PROS1: variants seen among roughly 807,000 people sequenced by gnomAD.
PROS1 encodes the protein vitamin K-dependent protein S.
PROS1 carries 29 observed loss-of-function variants against 75.9 expected under a neutral mutation model. The ratio of observed to expected loss-of-function variants is 0.38; its 90% CI spans 0.28 to 0.52. The LOEUF is 0.52. Among genes scored for constraint, PROS1 ranks in the 20% least tolerant of loss-of-function variants. PROS1 has a pLI of 0.83. For missense variants in PROS1, 680 were observed against 810.3 expected (o/e 0.84, Z 1.95); for synonymous variants, 245 against 280.6 (o/e 0.87, Z 1.27).
intron 6 of PROS1, among the ~76,000 whole-genome samples, chr3:93,902,842 T>C (rs538852624): frequency 6.6e-6 from 1 of 152,294 alleles, no homozygotes; most frequent in African/African-American, 2.4e-5. Context: ...CAACCATTTC[T>C]ACATCTTGGC....
chr3:93,882,754 C>T (rs1326491300), intron 12 of PROS1, among the ~76,000 whole-genome samples: 5 of 152,082 alleles, frequency 3.3e-5, no homozygotes. Context: ...ACCATGCACT[C>T]AAGAGAAAAC....
intron 1 of PROS1, among the ~76,000 whole-genome samples, chr3:93,970,739 G>A (rs909518405): frequency 2.0e-5 from 3 of 151,954 alleles, no homozygotes; most frequent in African/African-American, 7.3e-5. Context: ...TAATATCTCT[G>A]AACAATTTCT....
intron 1 of PROS1, among the ~76,000 whole-genome samples, chr3:93,945,593 TCAGCAAAATTCAA>T (rs1205810428): frequency 6.6e-6 from 1 of 152,178 alleles, no homozygotes; most frequent in Non-Finnish European, 1.5e-5. Flanking sequence ...GAAAAGGCCT[TCAGCAAAATTCAA>T]CAGCTCTTCA....
At chr3:93,879,421 T>C in intron 12 of PROS1, 107 bp from the exon 13 acceptor site, 1 of 1,412,006 alleles carries the variant, frequency 7.1e-7, no homozygotes, top group Non-Finnish European at 1.0e-6. Context: ...TCTTGTGTAA[T>C]ACTATTTCCA....
chr3:93,886,867 T>C (rs1458482689), intron 10 of PROS1, among the ~76,000 whole-genome samples: 2 of 152,122 alleles, frequency 1.3e-5, no homozygotes, highest in African/African-American at 2.4e-5. Context: ...TATTTTGCAA[T>C]TGTCTGATAA....
At chr3:93,900,639 C>T (rs1708578916) in intron 7 of PROS1, among the ~76,000 whole-genome samples, 165 bp downstream of exon 7, 1 of 152,198 alleles carries the variant, frequency 6.6e-6, no homozygotes, top group East Asian at 1.9e-4. Context: ...CTTACATACT[C>T]TTGCTCTGGA....
chr3:93,886,205 T>A (rs1453447448), intron 11 of PROS1, 131 bp downstream of exon 11: 1 of 739,876 alleles, frequency 1.4e-6, no homozygotes, highest in Non-Finnish European at 2.3e-6. Flanking sequence ...TTTTCCATGA[T>A]CATTTCAAGT....
chr3:93,965,251 C>T (rs1383157383), intron 1 of PROS1, among the ~76,000 whole-genome samples: 1 of 152,182 alleles, frequency 6.6e-6, no homozygotes, highest in Non-Finnish European at 1.5e-5. Flanking sequence ...TGTTACGGCT[C>T]AAGCTGAGCT....
At chr3:93,909,545 T>A (rs559450505) in intron 4 of PROS1, among the ~76,000 whole-genome samples, 2 of 152,298 alleles carry the variant, frequency 1.3e-5, no homozygotes, top group South Asian at 4.1e-4. Context: ...ACATGCCATT[T>A]GTTTTTTATT....
At chr3:93,910,147 A>G (rs1708738455) in intron 4 of PROS1, among the ~76,000 whole-genome samples, 1 of 152,232 alleles carries the variant, frequency 6.6e-6, no homozygotes, top group Admixed American at 6.5e-5. Context: ...AGAGTCAAAA[A>G]TAATGTACCA....
chr3:93,934,480 CT>C (rs1709153178), intron 1 of PROS1, among the ~76,000 whole-genome samples: 1 of 152,272 alleles, frequency 6.6e-6, no homozygotes, highest in Admixed American at 6.5e-5. Context: ...GATTATGCTG[CT>C]ATGCAACGAT....
At chr3:93,957,127 A>G (rs1350275072) in intron 1 of PROS1, among the ~76,000 whole-genome samples, 1 of 151,978 alleles carries the variant, frequency 6.6e-6, no homozygotes, top group Non-Finnish European at 1.5e-5. Flanking sequence ...ATATATTATA[A>G]TAAGCACATA....
intron 1 of PROS1, among the ~76,000 whole-genome samples, chr3:93,944,834 C>T (rs1445830948): frequency 6.6e-6 from 1 of 151,600 alleles, no homozygotes. Context: ...GATAGAGACA[C>T]AAAAAACCCT....
Position 93,969,377 on chromosome 3 carries a change from T to C in PROS1, c.76+4297A>G, listed in dbSNP as rs1413852813. Among the ~76,000 whole-genome samples, 9 of 152,266 alleles carry C rather than the reference T, an allele frequency of 5.9e-5. No individual in the cohort carries two copies. The South Asian group carries it at 1.4e-3, about 25-fold the overall frequency. The stretch of plus-strand genomic sequence containing the variant: ...TGGTGTGTATGGAAAGAAGGGCAAG[T>C]GTATTTGTTAGACAGCCAATAATTA... On this transcript the variant is annotated intron_variant, in intron 1 of 14. Transcript: ENST00000394236.
At chr3:93,952,188 G>A (rs1287882675) in intron 1 of PROS1, among the ~76,000 whole-genome samples, 1 of 152,072 alleles carries the variant, frequency 6.6e-6, no homozygotes, top group East Asian at 1.9e-4. Context: ...AAGTTAACAA[G>A]GATATCCAGG....
At position 93,874,069 on chromosome 3, in the gene PROS1, T is replaced by C; in HGVS notation, c.*176A>G. On this transcript the variant is annotated 3_prime_UTR_variant, in exon 15 of 15. Coordinates refer to ENST00000394236, the MANE Select transcript of PROS1 (RefSeq NM_000313.4). ...GCAAGAGAAGTAAGAATTTCTTTAC[T>C]GTGATTTATATCACAACAGAATTTT... is the stretch of plus-strand genomic sequence containing the variant. 1.4e-6 allele frequency: 1 copy of C among 713,548 alleles called. No homozygotes were observed. The highest frequency in any genetic ancestry group is 2.2e-6 in the Non-Finnish European group (1 of 448,112). The allele number at this position is 713,548 out of a possible 1,614,324, so 44.2% of individuals were successfully genotyped here.
At chr3:93,892,059 G>T (rs1708438558) in intron 10 of PROS1, among the ~76,000 whole-genome samples, 2 of 152,018 alleles carry the variant, frequency 1.3e-5, no homozygotes. Flanking sequence ...GCCGGGTGTG[G>T]TTGCTCACTC....
chr3:93,895,085 G>A (rs1477942303), intron 9 of PROS1, among the ~76,000 whole-genome samples: 2 of 152,090 alleles, frequency 1.3e-5, no homozygotes, highest in East Asian at 3.9e-4. Flanking sequence ...ATCCTCTCAC[G>A]TACTTTAAGT....
At chr3:93,917,103 G>T (rs1030437089) in intron 3 of PROS1, among the ~76,000 whole-genome samples, 3 of 152,212 alleles carry the variant, frequency 2.0e-5, no homozygotes, top group African/African-American at 7.2e-5. Context: ...ACAAGGCTGA[G>T]TTATTCATAC....
Sources: allele counts gnomAD v4.1 joint callset (sites outside exome capture counted in the v4.1 genomes callset), GRCh38; gene constraint gnomAD v4.1.1; transcripts MANE v1.5; gene names NCBI Gene and HGNC (gene_info 2026-07-23, HGNC 2026-07-21).